The following RBFOX2 variants were observed in gnomAD, a reference collection of about 807,000 sequenced individuals.
RBFOX2 encodes RNA binding protein fox-1 homolog 2.
In RBFOX2, 10 loss-of-function variants were observed where a neutral mutation model predicts 49.1. The observed-to-expected ratio is 0.20, with a 90% confidence interval of 0.13 to 0.35. The LOEUF (loss-of-function observed/expected upper bound fraction) is 0.35. Among genes scored for constraint, RBFOX2 ranks in the 10% least tolerant of loss-of-function variants. RBFOX2 has a pLI of 1.00. For missense variants in RBFOX2, 323 were observed against 486.9 expected, an observed-to-expected ratio of 0.66 and a Z score of 3.17; for synonymous variants, 183 against 187.4, an observed-to-expected ratio of 0.98 and a Z score of 0.19.
intron 1 of RBFOX2, among the ~76,000 whole-genome samples, chr22:35,818,781 T>C (rs1451202492): frequency 6.6e-6 from 1 of 152,130 alleles, no homozygotes; most frequent in South Asian, 2.1e-4. Context: ...AGAGAGACCA[T>C]GTCTCTAAGG....
At position 35,840,249 on chromosome 22, in the gene RBFOX2, A is replaced by G. The variant is rs372927248; in HGVS notation, c.-31T>C. 5.0e-6 allele frequency: 8 copies of G among 1,614,126 alleles called. No individual in the cohort carries two copies. In the African/African-American group the frequency reaches 8.0e-5, roughly 16 times the overall value. ...AAACGGATAGATGATAAACCTTTCA[A>G]AGCAGCCGTGCTGGGGCACACCTCC... On this transcript the variant is annotated 5_prime_UTR_variant, in exon 1 of 12. Transcript: ENST00000405409.
At chr22:35,902,813 TAAA>T (rs761309734) in intron 1 of RBFOX2, among the ~76,000 whole-genome samples, 1 of 128,698 alleles carries the variant, frequency 7.8e-6, no homozygotes. Flanking sequence ...CCCAGCTAAT[TAAA>T]AAAAAAAAAA....
chr22:35,899,925 T>C (rs2048364295), intron 1 of RBFOX2, among the ~76,000 whole-genome samples: 1 of 152,196 alleles, frequency 6.6e-6, no homozygotes, highest in Non-Finnish European at 1.5e-5. Flanking sequence ...TCTGGCATGC[T>C]TGCTTCTGAG....
intron 4 of RBFOX2, among the ~76,000 whole-genome samples, chr22:35,773,193 T>C (rs1943120732): frequency 6.6e-6 from 1 of 152,024 alleles, no homozygotes; most frequent in African/African-American, 2.4e-5. Context: ...TCCAAAAAAG[T>C]ATTTTGATAA....
intron 1 of RBFOX2, among the ~76,000 whole-genome samples, chr22:35,817,434 G>A (rs1302983377): frequency 1.3e-5 from 2 of 151,860 alleles, no homozygotes; most frequent in African/African-American, 2.4e-5. Flanking sequence ...CCAAGATCGC[G>A]CCACTGCACT....
chr22:35,924,762 G>A (rs1159689740), intron 1 of RBFOX2, among the ~76,000 whole-genome samples: 2 of 152,212 alleles, frequency 1.3e-5, no homozygotes, highest in African/African-American at 4.8e-5. Context: ...CACATACTTT[G>A]TGCAAAGTAT....
intron 1 of RBFOX2, among the ~76,000 whole-genome samples, chr22:35,935,503 T>G (rs1029060196): frequency 6.6e-6 from 1 of 152,186 alleles, no homozygotes; most frequent in African/African-American, 2.4e-5. Context: ...TTAACTCCAA[T>G]GTGCTATTGG....
chr22:36,019,512 C>T (rs1025599603), intron 1 of RBFOX2, among the ~76,000 whole-genome samples: 1 of 152,168 alleles, frequency 6.6e-6, no homozygotes, highest in Non-Finnish European at 1.5e-5. Flanking sequence ...TTGATAGGCA[C>T]CTTAAAGAAT....
At chr22:35,893,464 A>T (rs2047485688) in intron 1 of RBFOX2, among the ~76,000 whole-genome samples, 3 of 152,232 alleles carry the variant, frequency 2.0e-5, no homozygotes, top group African/African-American at 7.2e-5. Flanking sequence ...CTCCTCTTCC[A>T]AACAAATCAA....
At chr22:35,884,778 A>T (rs1322926379) in intron 1 of RBFOX2, among the ~76,000 whole-genome samples, 1 of 152,200 alleles carries the variant, frequency 6.6e-6, no homozygotes, top group African/African-American at 2.4e-5. Context: ...ATCACTAGGG[A>T]CCATCTTAGA....
At chr22:35,898,441 T>C (rs891278918) in intron 1 of RBFOX2, 34 of 442,048 alleles carry the variant, frequency 7.7e-5, no homozygotes, top group East Asian at 1.9e-4. Flanking sequence ...TTTTTTTTTT[T>C]CTGAGACAGG....
rs112389643 is a variant in RBFOX2 at position 35,977,811 on chromosome 22, C to CA, written c.187-38915dup. 4.1e-3 allele frequency among the ~76,000 whole-genome samples: 457 copies of CA among 112,824 alleles called. 5 individuals carry two copies. Among genetic ancestry groups the CA allele is most frequent in the African/African-American group, 0.012 (352 of 30,396 alleles). The allele number at this position is 112,824 out of a possible 152,430, so 74.0% of individuals were successfully genotyped here. ...ATGTGTATACGTATAAAATCCCCCT[C>CA]AAAAAAAAAAAAAGCCCTGTCCCCC... On this transcript the variant is annotated intron_variant, in intron 1 of 13. Transcript: ENST00000438146.
At chr22:35,758,848 T>C (rs1437765284) in intron 9 of RBFOX2, among the ~76,000 whole-genome samples, 1 of 151,914 alleles carries the variant, frequency 6.6e-6, no homozygotes, top group African/African-American at 2.4e-5. Context: ...AATGCTAAAT[T>C]AGTACACCTC....
chr22:35,938,102 T>C (rs2053304188), intron 1 of RBFOX2, among the ~76,000 whole-genome samples: 1 of 152,156 alleles, frequency 6.6e-6, no homozygotes, highest in South Asian at 2.1e-4. Context: ...AGAACGTCAA[T>C]ATCCCCAAAC....
intron 1 of RBFOX2, among the ~76,000 whole-genome samples, chr22:35,924,939 C>T (rs954153065): frequency 1.3e-5 from 2 of 151,932 alleles, no homozygotes; most frequent in African/African-American, 4.8e-5. Flanking sequence ...TCTGGGAAGC[C>T]GAGGTGGGCG....
chr22:35,969,436 G>A (rs2056752162), intron 1 of RBFOX2, among the ~76,000 whole-genome samples: 1 of 152,102 alleles, frequency 6.6e-6, no homozygotes, highest in South Asian at 2.1e-4. Context: ...GTCAGGCATG[G>A]TGACTTGCGC....
At chr22:35,806,743 C>A (rs1950812521) in intron 2 of RBFOX2, among the ~76,000 whole-genome samples, 2 of 152,094 alleles carry the variant, frequency 1.3e-5, no homozygotes, top group Admixed American at 6.5e-5. Context: ...ACCAAATGCT[C>A]CAATAAAAAG....
upstream of RBFOX2, among the ~76,000 whole-genome samples, chr22:35,940,471 C>T (rs1214602545): frequency 1.3e-5 from 2 of 152,102 alleles, no homozygotes; most frequent in African/African-American, 4.8e-5. Context: ...ATGGAGAAAT[C>T]AGAATTCTTC....
At chr22:35,773,187 A>G (rs1943118185) in intron 4 of RBFOX2, among the ~76,000 whole-genome samples, 1 of 152,030 alleles carries the variant, frequency 6.6e-6, no homozygotes, top group Non-Finnish European at 1.5e-5. Context: ...GTGACTTCCA[A>G]AAAAGTATTT....
Sources: allele counts gnomAD v4.1 joint callset (sites outside exome capture counted in the v4.1 genomes callset), GRCh38; gene constraint gnomAD v4.1.1; transcripts MANE v1.5; gene names NCBI Gene and HGNC (gene_info 2026-07-23, HGNC 2026-07-21).